The following DNAH12 variants were observed in gnomAD, a reference collection of about 807,000 sequenced individuals.
DNAH12 encodes dynein axonemal heavy chain 12.
DNAH12 carries 285 observed loss-of-function variants against 371.5 expected under a neutral mutation model. The ratio of observed to expected loss-of-function variants is 0.77; its 90% CI spans 0.70 to 0.85. The LOEUF is 0.85. Among genes scored for constraint, DNAH12 ranks in the 40% least tolerant of loss-of-function variants. The pLI, the probability that DNAH12 is intolerant of heterozygous loss-of-function variation, is 0.00. For missense variants in DNAH12, 3,611 were observed against 3,689.4 expected (o/e 0.98, Z 0.55); for synonymous variants, 1,200 against 1,213.0 (o/e 0.99, Z 0.22).
chr3:57,412,533 T>C (rs564215644), intron 39 of DNAH12, among the ~76,000 whole-genome samples: 1 of 152,204 alleles, frequency 6.6e-6, no homozygotes, highest in African/African-American at 2.4e-5. Context: ...TAATTGCAAA[T>C]GACACATCTG....
chr3:57,426,967 G>T (rs1022037165), intron 34 of DNAH12, among the ~76,000 whole-genome samples: 3 of 152,056 alleles, frequency 2.0e-5, no homozygotes, highest in East Asian at 1.9e-4. Context: ...AACTATAAGG[G>T]ACTTTGTCTA....
chr3:57,341,701 AG>A lies in DNAH12; in HGVS notation c.9675-6762del, dbSNP rs1245833589. ...GACTCTACTACCCAAGGTGATCAAA[AG>A]ATTCAATGCACTCTCTATCAATATA... On this transcript the variant is annotated intron_variant, in intron 60 of 73. Transcript: ENST00000495027. Among the ~76,000 whole-genome samples, 2 of 152,160 alleles carry A rather than the reference AG, an allele frequency of 1.3e-5. 1 individual carries two copies. Among genetic ancestry groups the A allele is most frequent in the South Asian group, 4.1e-4 (2 of 4,832 alleles).
chr3:57,430,377 A>G (rs532015061), intron 32 of DNAH12, among the ~76,000 whole-genome samples: 1 of 151,022 alleles, frequency 6.6e-6, no homozygotes, highest in Middle Eastern at 3.4e-3. Context: ...ATAATTCTTT[A>G]TTATCATCTA....
chr3:57,296,782 T>A, intron 71 of DNAH12, 65 bp downstream of exon 71: 1 of 1,508,700 alleles, frequency 6.6e-7, no homozygotes, highest in Non-Finnish European at 8.9e-7. Flanking sequence ...TTACAATACA[T>A]AAACTCGGTT....
At chr3:57,314,360 C>T in intron 66 of DNAH12, 134 bp downstream of exon 66, 2 of 1,117,994 alleles carry the variant, frequency 1.8e-6, no homozygotes. Flanking sequence ...GATAGTGCTT[C>T]ATAAGCCATA....
chr3:57,418,425 A>C (rs1249352502), intron 37 of DNAH12, among the ~76,000 whole-genome samples: 2 of 145,468 alleles, frequency 1.4e-5, no homozygotes, highest in African/African-American at 5.0e-5. Context: ...TTGTAGTCCC[A>C]GCTACTTGAG....
At chr3:57,552,811 T>C in the DNAH12 span, among the ~76,000 whole-genome samples, 28 of 152,106 alleles carry the variant, frequency 1.8e-4, no homozygotes, top group East Asian at 5.0e-3. Context: ...ACCAAGGAGT[T>C]CAAGGCTCCA....
Position 57,442,569 on chromosome 3 carries a change from AAAT to A in DNAH12, c.4545+2125_4545+2127del, listed in dbSNP as rs2153369354. ...AAAATGGAGTGATAAACATTTTTTG[AAAT>A]CCAAAAGAAGTCAGTAAAACAAATA... On this transcript the variant is annotated intron_variant, in intron 29 of 73. Transcript: ENST00000495027. Among the ~76,000 whole-genome samples the A allele has an allele frequency of 2.0e-5, 3 of 152,332 alleles. No individual in the cohort carries two copies. In the South Asian group the frequency reaches 6.2e-4, roughly 32 times the overall value.
At chr3:57,324,362 T>C (rs1293118429) in intron 62 of DNAH12, among the ~76,000 whole-genome samples, 1 of 152,234 alleles carries the variant, frequency 6.6e-6, no homozygotes, top group African/African-American at 2.4e-5. Flanking sequence ...AGATACCATT[T>C]TTAACCTATT....
chr3:57,533,793 C>G (rs1253868008), intron 2 of DNAH12, among the ~76,000 whole-genome samples: 1 of 152,168 alleles, frequency 6.6e-6, no homozygotes, highest in Non-Finnish European at 1.5e-5. Flanking sequence ...TCTTTTGGAG[C>G]TGCAAACTGT....
At chr3:57,513,658 C>T (rs549291467) in intron 4 of DNAH12, among the ~76,000 whole-genome samples, 149 of 152,166 alleles carry the variant, frequency 9.8e-4, no homozygotes, top group African/African-American at 3.5e-3. Context: ...TAACATTTCA[C>T]AATAAAAATA....
chr3:57,486,462 T>C (rs760842432), intron 12 of DNAH12, among the ~76,000 whole-genome samples: 14 of 151,996 alleles, frequency 9.2e-5, no homozygotes, highest in Non-Finnish European at 7.4e-5. Context: ...ATTCTATTAC[T>C]AGAAATATCA....
intron 10 of DNAH12, 35 bp downstream of exon 10, chr3:57,502,288 G>C: frequency 6.2e-7 from 1 of 1,606,004 alleles, no homozygotes; most frequent in South Asian, 1.1e-5. Flanking sequence ...ATAAAGTGAT[G>C]ACAAATGGTA....
At chr3:57,323,744 T>C (rs1362629058) in intron 62 of DNAH12, 125 bp from the exon 63 acceptor site, 25 of 963,984 alleles carry the variant, frequency 2.6e-5, no homozygotes, top group East Asian at 8.8e-5. Flanking sequence ...TATAGCATCA[T>C]AGACAAAGCA....
At chr3:57,483,654 A>G in intron 12 of DNAH12, 143 bp from the exon 13 acceptor site, 1 of 1,048,580 alleles carries the variant, frequency 9.5e-7, no homozygotes, top group Non-Finnish European at 1.3e-6. Context: ...TCTTAAAAAT[A>G]TTTAAGCTTG....
chr3:57,409,435 G>A (rs368636530), intron 39 of DNAH12, among the ~76,000 whole-genome samples: 94 of 152,164 alleles, frequency 6.2e-4, no homozygotes, highest in Non-Finnish European at 1.1e-3. Flanking sequence ...TAAAACGAAT[G>A]AGTAGACAAA....
intron 2 of DNAH12, among the ~76,000 whole-genome samples, chr3:57,527,526 C>T (rs958000479): frequency 2.0e-5 from 3 of 152,038 alleles, no homozygotes; most frequent in African/African-American, 7.2e-5. Context: ...TGTCACATGG[C>T]GAAAGCAGGA....
intron 38 of DNAH12, among the ~76,000 whole-genome samples, chr3:57,415,030 A>G (rs1458549781): frequency 6.6e-6 from 1 of 152,110 alleles, no homozygotes; most frequent in African/African-American, 2.4e-5. Flanking sequence ...GGGAGCAGCA[A>G]ATGCCCCTAA....
chr3:57,477,908 C>T (rs1471499857), intron 13 of DNAH12, among the ~76,000 whole-genome samples: 1 of 152,076 alleles, frequency 6.6e-6, no homozygotes, highest in Non-Finnish European at 1.5e-5. Flanking sequence ...GACATCTACA[C>T]CAAAACCCCA....
Sources: gnomAD v4.1 joint callset for allele counts (sites outside exome capture counted in the v4.1 genomes callset) on GRCh38, gnomAD v4.1.1 for gene constraint, MANE v1.5 for transcripts, NCBI Gene and HGNC (gene_info 2026-07-23, HGNC 2026-07-21) for gene names.